Variants in CFAP54 observed in about 807,000 individuals in gnomAD.
The protein encoded by CFAP54 is cilia and flagella associated protein 54.
A neutral mutation model predicts 370.4 loss-of-function variants in CFAP54; 290 were observed. The ratio of observed to expected loss-of-function variants is 0.78; its 90% confidence interval spans 0.71 to 0.86. CFAP54 has a LOEUF of 0.86. Ranked by LOEUF, CFAP54 falls within the 40% of genes least tolerant of loss-of-function variation. CFAP54 has a pLI of 0.00. For synonymous variants in CFAP54, 1,206 were observed against 1,236.5 expected (o/e 0.98, Z 0.52); for missense variants, 3,399 against 3,528.7 (o/e 0.96, Z 0.93).
At chr12:96,762,438 A>G (rs2136668195) in intron 58 of CFAP54, among the ~76,000 whole-genome samples, 1 of 152,328 alleles carries the variant, frequency 6.6e-6, no homozygotes, top group East Asian at 1.9e-4. Context: ...TCCTGTTTAC[A>G]TAACCTAGAA....
At chr12:96,687,025 A>G (rs556583485) in intron 42 of CFAP54, among the ~76,000 whole-genome samples, 2 of 152,242 alleles carry the variant, frequency 1.3e-5, no homozygotes, top group South Asian at 4.2e-4. Flanking sequence ...TATCTTTTCC[A>G]GCTTCTTGAG....
intron 66 of CFAP54, among the ~76,000 whole-genome samples, chr12:96,836,556 C>A (rs1428973176): frequency 6.6e-6 from 1 of 152,154 alleles, no homozygotes; most frequent in African/African-American, 2.4e-5. Flanking sequence ...TGGAAAGGAG[C>A]AGCTAAGAAT....
chr12:96,625,526 A>C (rs1385577186), intron 28 of CFAP54, among the ~76,000 whole-genome samples, 192 bp from the exon 29 acceptor site: 1 of 152,228 alleles, frequency 6.6e-6, no homozygotes, highest in Non-Finnish European at 1.5e-5. Flanking sequence ...AGTGAAGCAA[A>C]TAATTTCATC....
intron 62 of CFAP54, among the ~76,000 whole-genome samples, chr12:96,790,707 T>C (rs1053684017): frequency 3.3e-5 from 5 of 152,180 alleles, no homozygotes; most frequent in Admixed American, 2.6e-4. Flanking sequence ...AAATTATTCT[T>C]AATTAAGCAC....
intron 50 of CFAP54, among the ~76,000 whole-genome samples, chr12:96,732,181 A>G (rs1382344250): frequency 2.0e-5 from 3 of 152,114 alleles, no homozygotes; most frequent in Non-Finnish European, 1.5e-5. Context: ...GCTGGAGTGC[A>G]GTAGCAGGAT....
intron 66 of CFAP54, among the ~76,000 whole-genome samples, chr12:96,860,227 G>A (rs1477981774): frequency 1.3e-5 from 2 of 148,356 alleles, no homozygotes; most frequent in Admixed American, 1.4e-4. Context: ...TACCTAGATT[G>A]GCATGAAGTG....
chr12:96,787,920 G>GA (rs1958644930), intron 62 of CFAP54, among the ~76,000 whole-genome samples: 1 of 146,934 alleles, frequency 6.8e-6, no homozygotes, highest in Admixed American at 6.8e-5. Context: ...TTTTTTTTTG[G>GA]TTTTTTTTTT....
At chr12:96,753,966 T>G in intron 56 of CFAP54, 68 bp downstream of exon 56, 1 of 1,519,694 alleles carries the variant, frequency 6.6e-7, no homozygotes, top group Non-Finnish European at 8.9e-7. Flanking sequence ...AACAACAGGA[T>G]TCTTGAAAAT....
At chr12:96,782,806 C>T (rs2136691552) in intron 60 of CFAP54, among the ~76,000 whole-genome samples, 1 of 152,234 alleles carries the variant, frequency 6.6e-6, no homozygotes, top group East Asian at 1.9e-4. Flanking sequence ...CTAGTGATTC[C>T]ACATCCAGGT....
chr12:96,648,235 T>C (rs965850648), intron 34 of CFAP54, among the ~76,000 whole-genome samples: 1 of 152,240 alleles, frequency 6.6e-6, no homozygotes, highest in Non-Finnish European at 1.5e-5. Flanking sequence ...TATTTGGAAA[T>C]ATCTATTTTG....
intron 63 of CFAP54, among the ~76,000 whole-genome samples, chr12:96,799,387 A>C (rs1321608801): frequency 1.3e-5 from 2 of 152,046 alleles, no homozygotes; most frequent in Non-Finnish European, 2.9e-5. Context: ...TGTGTTCTGC[A>C]TTGGTCTATT....
chr12:96,862,618 G>A (rs1335333287), intron 67 of CFAP54, among the ~76,000 whole-genome samples: 1 of 152,132 alleles, frequency 6.6e-6, no homozygotes, highest in Non-Finnish European at 1.5e-5. Context: ...CAAGAAGACT[G>A]ATAGGAAACC....
At chr12:96,506,855 GGGA>G in intron 3 of CFAP54, 70 bp from the exon 4 acceptor site, 1 of 1,341,958 alleles carries the variant, frequency 7.5e-7, no homozygotes, top group South Asian at 1.6e-5. Flanking sequence ...CCTAAGTGCT[GGGA>G]TTACAGGTGT....
chr12:96,603,323 C>G (rs1956264483), intron 26 of CFAP54, among the ~76,000 whole-genome samples: 1 of 152,322 alleles, frequency 6.6e-6, no homozygotes. Context: ...GCCAAGAGAT[C>G]CACTGTTAGT....
chr12:96,638,864 T>G (rs1956692319), intron 32 of CFAP54, among the ~76,000 whole-genome samples: 1 of 152,208 alleles, frequency 6.6e-6, no homozygotes, highest in Admixed American at 6.5e-5. Context: ...TGATTCCCAC[T>G]TCATAGGGAA....
chr12:96,558,140 G>A (rs1182426115), intron 17 of CFAP54, among the ~76,000 whole-genome samples: 2 of 152,102 alleles, frequency 1.3e-5, no homozygotes, highest in African/African-American at 4.8e-5. Context: ...TGGTTTACAT[G>A]TGTTCATGAT....
At chr12:96,765,009 T>C in intron 59 of CFAP54, 68 bp from the exon 60 acceptor site, 2 of 1,191,120 alleles carry the variant, frequency 1.7e-6, no homozygotes, top group East Asian at 2.7e-5. Flanking sequence ...TTCACATTAT[T>C]TACCTAATAG....
intron 26 of CFAP54, among the ~76,000 whole-genome samples, chr12:96,607,071 G>A (rs1227595927): frequency 1.3e-5 from 2 of 152,180 alleles, no homozygotes; most frequent in Non-Finnish European, 2.9e-5. Context: ...TAGCAAAGAA[G>A]CCATTATTTG....
chr12:96,724,908 C>G (rs548410325), intron 50 of CFAP54, among the ~76,000 whole-genome samples: 1 of 152,286 alleles, frequency 6.6e-6, no homozygotes, highest in East Asian at 1.9e-4. Context: ...AGCCATTTTT[C>G]CCAGCACCAT....
Sources: allele counts gnomAD v4.1 joint callset (sites outside exome capture counted in the v4.1 genomes callset), GRCh38; gene constraint gnomAD v4.1.1; transcripts MANE v1.5; gene names NCBI Gene and HGNC (gene_info 2026-07-23, HGNC 2026-07-21).